PDE9A: variants seen among roughly 807,000 people sequenced by gnomAD.
PDE9A encodes the protein phosphodiesterase 9A, also known as high affinity cGMP-specific 3',5'-cyclic phosphodiesterase 9A.
A neutral mutation model predicts 87.4 loss-of-function variants in PDE9A; 60 were observed. That is an observed-to-expected ratio of 0.69 (90% CI 0.56 to 0.85). The LOEUF is 0.85. Among genes scored for constraint, PDE9A ranks in the 40% least tolerant of loss-of-function variants. The pLI is 0.00. For missense variants in PDE9A, 665 were observed against 779.0 expected, an observed-to-expected ratio of 0.85 and a Z score of 1.74; for synonymous variants, 272 against 279.4, an observed-to-expected ratio of 0.97 and a Z score of 0.27.
chr21:42,738,778 C>T (rs1258492712), intron 7 of PDE9A, among the ~76,000 whole-genome samples: 1 of 152,156 alleles, frequency 6.6e-6, no homozygotes, highest in Non-Finnish European at 1.5e-5. Context: ...CTCCACCTCC[C>T]GGGTTCAAGT....
At position 42,659,305 on chromosome 21, in the gene PDE9A, C is replaced by A. The variant is rs1233373479; in HGVS notation, c.69+5422C>A. The stretch of plus-strand genomic sequence containing the variant: ...GCCATCAGGAATTTCCATGAATGAC[C>A]TGGAAACCTCTCAGACTAAACCAAT... On this transcript the variant is annotated intron_variant, in intron 1 of 19. Transcript: ENST00000291539. This position sits in a 1 kb window ranked among gnomAD's most constrained non-coding sequence, Gnocchi z 4.1. Among the ~76,000 whole-genome samples, 1 of 152,248 alleles carries A rather than the reference C, an allele frequency of 6.6e-6. No homozygotes were observed. The highest frequency in any genetic ancestry group is 1.5e-5 in the Non-Finnish European group (1 of 68,056).
chr21:42,662,697 A>T (rs2057617881), intron 1 of PDE9A, among the ~76,000 whole-genome samples: 1 of 141,604 alleles, frequency 7.1e-6, no homozygotes, highest in South Asian at 2.3e-4. Flanking sequence ...ACATGCACAC[A>T]CCATGCACAC....
At position 42,772,425 on chromosome 21, in the gene PDE9A, G is replaced by A. The variant is rs750041722; in HGVS notation, c.1687-14G>A. On this transcript the variant is annotated splice_polypyrimidine_tract_variant and intron_variant, in intron 18 of 19. Coordinates refer to ENST00000291539, the MANE Select transcript of PDE9A (RefSeq NM_002606.3). ...CCTGCTCCCTGACTTGGCCTTCTCTGTACTCTGTTCCAGTTACAGAAGAAG... is the reference window on the plus strand; with the variant it reads ...CCTGCTCCCTGACTTGGCCTTCTCTATACTCTGTTCCAGTTACAGAAGAAG... 2.5e-5 allele frequency: 39 copies of A among 1,590,404 alleles called. No homozygotes were observed. Among genetic ancestry groups the A allele is most frequent in the Non-Finnish European group, 2.9e-5 (34 of 1,163,418 alleles).
chr21:42,672,350 G>A (rs1409979748), intron 1 of PDE9A, among the ~76,000 whole-genome samples: 1 of 152,250 alleles, frequency 6.6e-6, no homozygotes, highest in Non-Finnish European at 1.5e-5. Flanking sequence ...AGATGACACA[G>A]CACTCAGGAG....
chr21:42,748,171 A>G (rs2146953915), intron 8 of PDE9A, among the ~76,000 whole-genome samples: 2 of 152,246 alleles, frequency 1.3e-5, no homozygotes, highest in East Asian at 3.8e-4. Flanking sequence ...ATGTTTACAC[A>G]AAACAGGTTA....
chr21:42,690,384 G>A (rs1016602747), intron 3 of PDE9A, among the ~76,000 whole-genome samples: 7 of 152,080 alleles, frequency 4.6e-5, no homozygotes, highest in Non-Finnish European at 7.4e-5. Context: ...ATGTGGAAAT[G>A]GATCTAGACA....
chr21:42,682,736 G>A (rs960740311), intron 1 of PDE9A, among the ~76,000 whole-genome samples: 3 of 152,196 alleles, frequency 2.0e-5, no homozygotes, highest in Admixed American at 2.0e-4. Context: ...TCCCCCAGGG[G>A]ACTTTGTGGG....
rs373834610 is a variant in PDE9A, at chr21:42,703,850, A to C, written c.262+4839A>C. 3.9e-5 allele frequency among the ~76,000 whole-genome samples: 6 copies of C among 152,350 alleles called. 1 individual carries two copies. The highest frequency in any genetic ancestry group is 3.3e-4 in the Admixed American group (5 of 15,310). On this transcript the variant is annotated intron_variant, in intron 4 of 19. Transcript: ENST00000291539. ...CATCCTGAGAAACACAAAGGCTCAC[A>C]TTAAACTTCGCATCGTAAAGTTTTG...
At chr21:42,689,363 A>G (rs2146211519) in intron 3 of PDE9A, among the ~76,000 whole-genome samples, 1 of 152,320 alleles carries the variant, frequency 6.6e-6, no homozygotes, top group African/African-American at 2.4e-5. Flanking sequence ...CTTGGCTTCC[A>G]GACTCCCCGG....
At chr21:42,768,394 C>T (rs67260236) in intron 16 of PDE9A, 102 bp downstream of exon 16, 2 of 1,015,176 alleles carry the variant, frequency 2.0e-6, no homozygotes, top group East Asian at 5.2e-5. Flanking sequence ...CCGCATATTC[C>T]CCGGGCTGCC....
Position 42,769,019 on chromosome 21 carries a change from C to T in PDE9A, c.1462-8C>T. ...CTCTAATGTCACTGTCTGCTGCATTCCCTGCAGAGCGACCGTGAGAAGTCA... is the reference window on the plus strand; with the variant it reads ...CTCTAATGTCACTGTCTGCTGCATTTCCTGCAGAGCGACCGTGAGAAGTCA... On this transcript the variant is annotated splice_polypyrimidine_tract_variant and splice_region_variant and intron_variant, in intron 16 of 19. Coordinates refer to ENST00000291539, the MANE Select transcript of PDE9A (RefSeq NM_002606.3). 3 of 1,606,768 alleles carry T rather than the reference C, an allele frequency of 1.9e-6. No individual in the cohort carries two copies. Among genetic ancestry groups the T allele is most frequent in the Non-Finnish European group, 8.5e-7 (1 of 1,174,824 alleles).
chr21:42,710,408 C>CA (rs35770609), intron 4 of PDE9A, among the ~76,000 whole-genome samples: 22,924 of 110,446 alleles, frequency 0.21, 2,317 homozygotes, highest in African/African-American at 0.31. Flanking sequence ...GACTCCATCT[C>CA]AAAAAAAAAA....
chr21:42,654,251 G>A (rs933451980), intron 1 of PDE9A, among the ~76,000 whole-genome samples: 5 of 152,186 alleles, frequency 3.3e-5, no homozygotes, highest in African/African-American at 1.2e-4. Flanking sequence ...GCGAGCAGCC[G>A]CCGCTTCCTG....
chr21:42,666,848 C>T (rs1314604186), intron 1 of PDE9A, among the ~76,000 whole-genome samples: 1 of 152,226 alleles, frequency 6.6e-6, no homozygotes, highest in East Asian at 1.9e-4. Context: ...TCTCCCTTCC[C>T]CATCTTCTGG....
At chr21:42,679,681 A>G (rs1437631467) in intron 1 of PDE9A, among the ~76,000 whole-genome samples, 2 of 152,066 alleles carry the variant, frequency 1.3e-5, no homozygotes, top group Non-Finnish European at 2.9e-5. Context: ...GGAGGGCCCA[A>G]GCGGAGACAG....
intron 4 of PDE9A, among the ~76,000 whole-genome samples, chr21:42,709,473 T>A (rs1021708283): frequency 1.3e-5 from 2 of 152,192 alleles, no homozygotes; most frequent in African/African-American, 2.4e-5. Context: ...TTAAATTTTT[T>A]AAAAGTGCAC....
At position 42,760,760 on chromosome 21, in the gene PDE9A, C is replaced by G. The variant is rs1035583843; in HGVS notation, c.1003-65C>G. ...GCTTACCACTCACCCAATTCCACCC[C>G]CCCTCACCCCATCCCACCCTCCGAG... On this transcript the variant is annotated intron_variant, in intron 12 of 19. Coordinates refer to ENST00000291539, the MANE Select transcript of PDE9A (RefSeq NM_002606.3). The surrounding 1 kb of genome is among the most constrained non-coding windows in gnomAD (Gnocchi z 5.2). The G allele has an allele frequency of 4.9e-5, 43 of 885,828 alleles. No homozygotes were observed. In the African/African-American group the frequency reaches 7.1e-4, roughly 15 times the overall value. 54.9% of individuals were successfully genotyped at this position (885,828 alleles called of 1,614,324 possible). A position where few individuals can be genotyped will look rare whatever the true frequency, so the allele number is the denominator to read the frequency against.
chr21:42,699,054 G>T, intron 4 of PDE9A, 43 bp downstream of exon 4: 2 of 1,336,258 alleles, frequency 1.5e-6, no homozygotes, highest in Admixed American at 3.4e-5. Context: ...GAAGGAAAAA[G>T]AAATCTTGAG....
At chr21:42,686,931 G>A (rs2059510596) in intron 2 of PDE9A, among the ~76,000 whole-genome samples, 1 of 152,214 alleles carries the variant, frequency 6.6e-6, no homozygotes, top group Non-Finnish European at 1.5e-5. Context: ...TCACCCCATA[G>A]GTGCCTTTTC....
Sources: allele counts gnomAD v4.1 joint callset (sites outside exome capture counted in the v4.1 genomes callset), GRCh38; gene constraint gnomAD v4.1.1; non-coding constraint Gnocchi (gnomAD v3.1); transcripts MANE v1.5; gene names NCBI Gene and HGNC (gene_info 2026-07-23, HGNC 2026-07-21).